PCDH15: variants seen among roughly 807,000 people sequenced by gnomAD.
PCDH15 encodes the protein protocadherin-15.
PCDH15 carries 129 observed loss-of-function variants against 178.5 expected under a neutral mutation model. The observed-to-expected ratio is 0.72, with a 90% CI of 0.63 to 0.84. The LOEUF is 0.84. PCDH15 is among the 40% of genes least tolerant of loss of function. PCDH15 has a pLI of 0.00. For synonymous variants in PCDH15, 800 were observed against 732.0 expected, an observed-to-expected ratio of 1.09 and a Z score of -1.50; for missense variants, 2,230 against 2,099.9, an observed-to-expected ratio of 1.06 and a Z score of -1.21.
intron 20 of PCDH15, among the ~76,000 whole-genome samples, chr10:54,013,741 G>T (rs951150374): frequency 6.6e-6 from 1 of 152,044 alleles, no homozygotes; most frequent in Non-Finnish European, 1.5e-5. Flanking sequence ...AATCTCTGGG[G>T]CACAGCTAAA....
chr10:54,048,936 T>C (rs1001404103), intron 18 of PCDH15, among the ~76,000 whole-genome samples: 1 of 152,076 alleles, frequency 6.6e-6, no homozygotes, highest in Non-Finnish European at 1.5e-5. Flanking sequence ...AGGAGTAGCA[T>C]TGCATCTACA....
chr10:54,831,798 A>G (rs888687954), intron 3 of PCDH15, among the ~76,000 whole-genome samples: 3 of 152,130 alleles, frequency 2.0e-5, no homozygotes, highest in Admixed American at 6.6e-5. Context: ...CATTTATTAC[A>G]TGATCAATTG....
chr10:55,482,336 T>C (rs1840199520), intron 2 of PCDH15, among the ~76,000 whole-genome samples: 1 of 151,816 alleles, frequency 6.6e-6, no homozygotes, highest in African/African-American at 2.4e-5. Context: ...TTAGTATTGT[T>C]ATGTGTGGAT....
chr10:55,222,201 C>T (rs1168015518), intron 1 of PCDH15, among the ~76,000 whole-genome samples: 5 of 151,818 alleles, frequency 3.3e-5, no homozygotes, highest in Admixed American at 6.6e-5. Flanking sequence ...TAATTATTTC[C>T]CTGTTTAACA....
intron 5 of PCDH15, among the ~76,000 whole-genome samples, chr10:54,363,165 G>C (rs1224233526): frequency 1.3e-5 from 2 of 152,066 alleles, no homozygotes; most frequent in African/African-American, 2.4e-5. Flanking sequence ...GAAAAACAAA[G>C]TGCCAGCTTT....
At chr10:54,888,480 A>G (rs1248330228) in intron 3 of PCDH15, among the ~76,000 whole-genome samples, 1 of 151,972 alleles carries the variant, frequency 6.6e-6, no homozygotes, top group Non-Finnish European at 1.5e-5. Context: ...TTTTGGTGCT[A>G]TTACAAATCA....
intron 3 of PCDH15, among the ~76,000 whole-genome samples, chr10:54,453,813 G>A (rs2076637160): frequency 6.6e-6 from 1 of 152,006 alleles, no homozygotes; most frequent in South Asian, 2.1e-4. Context: ...AATACTGGAA[G>A]AGGCAAGGGA....
intron 2 of PCDH15, among the ~76,000 whole-genome samples, chr10:54,929,127 A>G (rs899677787): frequency 6.6e-6 from 1 of 152,190 alleles, no homozygotes; most frequent in African/African-American, 2.4e-5. Context: ...CTATTTGATG[A>G]CCATGAGCGT....
intron 3 of PCDH15, among the ~76,000 whole-genome samples, chr10:54,818,126 T>C (rs1037750762): frequency 4.6e-5 from 7 of 152,080 alleles, no homozygotes; most frequent in African/African-American, 1.7e-4. Context: ...GTAGTTTAGA[T>C]TATTTTTGTT....
chr10:55,474,280 A>G (rs938391009), intron 2 of PCDH15, among the ~76,000 whole-genome samples: 10 of 152,188 alleles, frequency 6.6e-5, no homozygotes, highest in Admixed American at 1.3e-4. Flanking sequence ...ACAGTACATT[A>G]CACTGAATGG....
chr10:55,282,827 A>G (rs1375438844), intron 1 of PCDH15, among the ~76,000 whole-genome samples: 2 of 152,220 alleles, frequency 1.3e-5, no homozygotes, highest in African/African-American at 4.8e-5. Flanking sequence ...TGCAAAAATT[A>G]TAACTGAGAA....
intron 2 of PCDH15, among the ~76,000 whole-genome samples, chr10:55,141,084 A>C (rs1316124276): frequency 6.6e-6 from 1 of 151,724 alleles, no homozygotes; most frequent in Non-Finnish European, 1.5e-5. Flanking sequence ...TGAGTCTATA[A>C]GTTTGTCTTC....
intron 2 of PCDH15, among the ~76,000 whole-genome samples, chr10:54,651,731 T>G (rs1371337604): frequency 6.6e-6 from 1 of 152,184 alleles, no homozygotes; most frequent in Non-Finnish European, 1.5e-5. Context: ...AAATGAAGAA[T>G]TTCACATAGA....
intron 2 of PCDH15, among the ~76,000 whole-genome samples, chr10:55,044,454 T>G (rs2131980713): frequency 6.6e-6 from 1 of 152,220 alleles, no homozygotes; most frequent in East Asian, 1.9e-4. Context: ...TTTCACAAAA[T>G]CAGTTAGTTC....
chr10:54,651,846 A>G (rs771743607), intron 2 of PCDH15, among the ~76,000 whole-genome samples: 1 of 152,208 alleles, frequency 6.6e-6, no homozygotes, highest in Non-Finnish European at 1.5e-5. Context: ...TAAACAACTC[A>G]TCAGAACAAA....
intron 2 of PCDH15, among the ~76,000 whole-genome samples, chr10:55,462,453 G>A (rs954312124): frequency 2.0e-5 from 3 of 152,004 alleles, no homozygotes; most frequent in African/African-American, 7.2e-5. Context: ...CATTTTTCTG[G>A]CCAGGAAATT....
At chr10:54,618,602 A>G (rs1442969924) in intron 2 of PCDH15, among the ~76,000 whole-genome samples, 1 of 152,042 alleles carries the variant, frequency 6.6e-6, no homozygotes, top group East Asian at 1.9e-4. Context: ...TTGAATAGTA[A>G]TCTCTGTATG....
At chr10:54,169,224 G>A (rs1295046704) in intron 13 of PCDH15, among the ~76,000 whole-genome samples, 1 of 96,004 alleles carries the variant, frequency 1.0e-5, no homozygotes, top group African/African-American at 4.5e-5. Context: ...AGCGGCTGAA[G>A]ACTGACACTG....
intron 1 of PCDH15, among the ~76,000 whole-genome samples, chr10:54,776,437 TAAAA>T (rs60354820): frequency 2.1e-5 from 3 of 145,300 alleles, no homozygotes. Context: ...ACCATACAAT[TAAAA>T]AAAAAAAAGA....
Sources: gnomAD v4.1 joint callset for allele counts (sites outside exome capture counted in the v4.1 genomes callset) on GRCh38, gnomAD v4.1.1 for gene constraint, MANE v1.5 for transcripts, NCBI Gene and HGNC (gene_info 2026-07-23, HGNC 2026-07-21) for gene names.